PPM1H: variants seen among roughly 807,000 people sequenced by gnomAD.
PPM1H encodes the protein protein phosphatase, Mg2+/Mn2+ dependent 1H, also known as protein phosphatase 1H.
A neutral mutation model predicts 54.9 loss-of-function variants in PPM1H; 27 were observed. The ratio of observed to expected loss-of-function variants is 0.49; its 90% confidence interval spans 0.36 to 0.68. The LOEUF is 0.68. Among genes scored for constraint, PPM1H ranks in the 30% least tolerant of loss-of-function variants. The pLI is 0.00. For synonymous variants in PPM1H, 305 were observed against 270.8 expected (o/e 1.13, Z -1.24); for missense variants, 596 against 667.8 (o/e 0.89, Z 1.19).
At chr12:62,683,386 TA>T (rs1348783855) in intron 8 of PPM1H, among the ~76,000 whole-genome samples, 2 of 152,136 alleles carry the variant, frequency 1.3e-5, no homozygotes, top group Non-Finnish European at 2.9e-5. Context: ...CTTGTCAACA[TA>T]GGGATTTTTA....
rs745947318 is a variant in PPM1H, at chr12:62,832,114, C to G, written c.411G>C (p.Ser137=). The G allele has an allele frequency of 6.2e-7, 1 of 1,613,528 alleles. No homozygotes were observed. Among genetic ancestry groups the G allele is most frequent in the South Asian group, 1.1e-5 (1 of 91,032 alleles). Residue 137 remains serine (S), a splice_region_variant and synonymous_variant, in exon 2 of 10, where the codon TCG becomes TCC. Coordinates refer to ENST00000228705, the MANE Select transcript of PPM1H (RefSeq NM_020700.2). ...NGEGLQLKEN[S]ESEGVSCHYW... ...AACCAAGGATCGAGAAGGGTCTTAC[C>G]GAGTTCTCCTTCAGCTGCAGCCCTT... is the stretch of plus-strand genomic sequence containing the variant.
At chr12:62,692,424 T>C (rs2076088375) in intron 7 of PPM1H, among the ~76,000 whole-genome samples, 1 of 152,210 alleles carries the variant, frequency 6.6e-6, no homozygotes, top group South Asian at 2.1e-4. Context: ...CTTCCAAGAA[T>C]ACATCATTCC....
intron 1 of PPM1H, among the ~76,000 whole-genome samples, chr12:62,847,419 TA>T (rs113433314): frequency 1.6e-4 from 25 of 152,238 alleles, no homozygotes; most frequent in African/African-American, 6.0e-4. Context: ...GCCGTGAAGG[TA>T]GGGGTAGAAA....
At chr12:62,785,992 C>G (rs1265136609) in intron 4 of PPM1H, among the ~76,000 whole-genome samples, 1 of 152,148 alleles carries the variant, frequency 6.6e-6, no homozygotes, top group African/African-American at 2.4e-5. Flanking sequence ...AAAGGCACTT[C>G]CCTGGGAGGT....
chr12:62,886,109 C>T (rs1414060280), intron 1 of PPM1H, among the ~76,000 whole-genome samples: 1 of 152,230 alleles, frequency 6.6e-6, no homozygotes, highest in Admixed American at 6.5e-5. Context: ...TAAAGTTTCT[C>T]ACCAGTGCAC....
chr12:62,879,798 G>A (rs1081649), intron 1 of PPM1H, among the ~76,000 whole-genome samples: 59,079 of 151,904 alleles, frequency 0.39, 11,860 homozygotes, highest in East Asian at 0.58. Flanking sequence ...AAAAAAGAAT[G>A]TTCTGTAGTG....
At chr12:62,715,707 C>T (rs1479247338) in intron 6 of PPM1H, among the ~76,000 whole-genome samples, 1 of 152,160 alleles carries the variant, frequency 6.6e-6, no homozygotes, top group Admixed American at 6.5e-5. Flanking sequence ...CGGCGTGGTG[C>T]TCCTCTAATG....
At chr12:62,696,729 T>C (rs1402013434) in intron 6 of PPM1H, among the ~76,000 whole-genome samples, 1 of 152,166 alleles carries the variant, frequency 6.6e-6, no homozygotes, top group Middle Eastern at 3.2e-3. Context: ...ACTTATAGTA[T>C]CTAAAATCTC....
chr12:62,721,946 A>G (rs1362914576), intron 5 of PPM1H, among the ~76,000 whole-genome samples: 1 of 152,132 alleles, frequency 6.6e-6, no homozygotes, highest in African/African-American at 2.4e-5. Context: ...AATCTTCTGG[A>G]CAACACTGGC....
At chr12:62,863,978 A>G (rs1009079242) in intron 1 of PPM1H, among the ~76,000 whole-genome samples, 2 of 152,248 alleles carry the variant, frequency 1.3e-5, no homozygotes, top group South Asian at 2.1e-4. Flanking sequence ...CATCATTGTT[A>G]TAATCTCATT....
At chr12:62,884,375 C>T (rs1034587877) in intron 1 of PPM1H, among the ~76,000 whole-genome samples, 7 of 150,344 alleles carry the variant, frequency 4.7e-5, no homozygotes, top group Admixed American at 2.0e-4. Context: ...GTGGCAGGTG[C>T]CTGTAATCCC....
rs575011659 is a variant in PPM1H at position 62,659,500 on chromosome 12, C to T, written c.1397+7678G>A. 2.0e-5 allele frequency among the ~76,000 whole-genome samples: 3 copies of T among 152,254 alleles called. No homozygotes were observed. In the South Asian group the frequency reaches 6.2e-4, roughly 32 times the overall value. ...TCTTTATGCTAATCACCTCTTCCCTCACAGCACATTCTGGAGGGGGAGATG... is the reference window on the plus strand; with the variant it reads ...TCTTTATGCTAATCACCTCTTCCCTTACAGCACATTCTGGAGGGGGAGATG... On this transcript the variant is annotated intron_variant, in intron 9 of 9. Transcript: ENST00000228705.
intron 4 of PPM1H, among the ~76,000 whole-genome samples, chr12:62,741,486 T>C (rs553385474): frequency 6.6e-6 from 1 of 152,336 alleles, no homozygotes; most frequent in South Asian, 2.1e-4. Context: ...TCCTTTATTA[T>C]CTGGTTCTTG....
At chr12:62,709,930 C>T (rs574670938) in intron 6 of PPM1H, among the ~76,000 whole-genome samples, 8 of 152,118 alleles carry the variant, frequency 5.3e-5, no homozygotes, top group African/African-American at 1.7e-4. Context: ...ATTAGCTGGG[C>T]GTGGTGGCAC....
In PPM1H at chr12:62,838,336, T is replaced by TG. The variant is rs1402157440; in HGVS notation, c.246-6058dup. 6.6e-3 allele frequency among the ~76,000 whole-genome samples: 682 copies of TG among 103,008 alleles called. 8 individuals carry two copies. The highest frequency in any genetic ancestry group is 0.015 in the African/African-American group (322 of 21,214). 67.6% of individuals were successfully genotyped at this position (103,008 alleles called of 152,430 possible). A position where few individuals can be genotyped will look rare whatever the true frequency, so the allele number is the denominator to read the frequency against. ...GACAGTAAAATACAGTGTGTGTGTG[T>TG]GTGGGGGGGGGGAGATGAATAACTT... is the stretch of plus-strand genomic sequence containing the variant. On this transcript the variant is annotated intron_variant, in intron 1 of 9. Transcript: ENST00000228705.
At chr12:62,711,836 A>G (rs147899260) in intron 6 of PPM1H, among the ~76,000 whole-genome samples, 76 of 152,148 alleles carry the variant, frequency 5.0e-4, no homozygotes, top group African/African-American at 1.7e-3. Flanking sequence ...CTGGTGGGGC[A>G]TCTCTTTTCT....
At chr12:62,803,653 G>C (rs1158823626) in intron 2 of PPM1H, among the ~76,000 whole-genome samples, 1 of 152,132 alleles carries the variant, frequency 6.6e-6, no homozygotes, top group African/African-American at 2.4e-5. Flanking sequence ...TGATTATTTA[G>C]ATATGATACC....
rs575152674 is a variant in PPM1H, at chr12:62,887,109, G to A, written c.245+47383C>T. Among the ~76,000 whole-genome samples the A allele has an allele frequency of 3.9e-5, 6 of 152,340 alleles. No homozygotes were observed. The South Asian group carries it at 1.2e-3, about 32-fold the overall frequency. On this transcript the variant is annotated intron_variant, in intron 1 of 9. Coordinates refer to ENST00000228705, the MANE Select transcript of PPM1H (RefSeq NM_020700.2). ...CTCCGGCCAGTAGACTGGATGTGGA[G>A]AAAGAGGGAGGTGCCATGTTTCTCA...
At position 62,646,463 on chromosome 12, in the gene PPM1H, C is replaced by G. The variant is rs1269211652; in HGVS notation, c.*2026G>C. 6.6e-6 allele frequency: 1 copy of G among 152,194 alleles called. No individual in the cohort carries two copies. The highest frequency in any genetic ancestry group is 1.5e-5 in the Non-Finnish European group (1 of 68,070). The allele number at this position is 152,194 out of a possible 1,614,324, so 9.4% of individuals were successfully genotyped here. On this transcript the variant is annotated 3_prime_UTR_variant, in exon 10 of 10. Transcript: ENST00000228705. ...CAGGGTCCTCCACGGAAGACTTGCT[C>G]AGGTTTCCTACTTACACATGACTCT...
Sources: gnomAD v4.1 joint callset for allele counts (sites outside exome capture counted in the v4.1 genomes callset) on GRCh38, gnomAD v4.1.1 for gene constraint, MANE v1.5 for transcripts, NCBI Gene and HGNC (gene_info 2026-07-23, HGNC 2026-07-21) for gene names.